COL28A1: variants seen among roughly 807,000 people sequenced by gnomAD.
The protein encoded by COL28A1 is collagen type XXVIII alpha 1 chain, also known as collagen alpha-1(XXVIII) chain.
A neutral mutation model predicts 150.2 loss-of-function variants in COL28A1; 161 were observed. The observed-to-expected ratio is 1.07, with a 90% CI of 0.94 to 1.22. The LOEUF (loss-of-function observed/expected upper bound fraction) is 1.22. COL28A1 is among the 50% of genes most tolerant of loss of function. COL28A1 has a pLI of 0.00. For missense variants in COL28A1, 1,617 were observed against 1,388.3 expected (o/e 1.16, Z -2.62); for synonymous variants, 552 against 469.7 (o/e 1.18, Z -2.26).
intron 5 of COL28A1, 131 bp from the exon 6 acceptor site, chr7:7,520,246 A>T (rs974390843): frequency 1.9e-6 from 1 of 529,290 alleles, no homozygotes; most frequent in African/African-American, 1.9e-5. Context: ...CCAAGCAGAA[A>T]TTCAATTCTC....
At chr7:7,393,843 A>G (rs547855267) in intron 27 of COL28A1, among the ~76,000 whole-genome samples, 6 of 152,240 alleles carry the variant, frequency 3.9e-5, no homozygotes, top group African/African-American at 1.2e-4. Flanking sequence ...ATTTCAAGCC[A>G]TTGGATCTTA....
chr7:7,443,228 A>G (rs369024270), intron 20 of COL28A1, among the ~76,000 whole-genome samples: 1 of 152,138 alleles, frequency 6.6e-6, no homozygotes, highest in African/African-American at 2.4e-5. Context: ...CAATAAAGTG[A>G]TATTTCTTAT....
chr7:7,515,722 A>T, intron 8 of COL28A1, 92 bp downstream of exon 8: 1 of 762,098 alleles, frequency 1.3e-6, no homozygotes, highest in Non-Finnish European at 2.3e-6. Flanking sequence ...ACAAAAATAA[A>T]GAAAATAACT....
intron 33 of COL28A1, among the ~76,000 whole-genome samples, chr7:7,369,242 C>T (rs1459813581): frequency 6.6e-6 from 1 of 152,160 alleles, no homozygotes; most frequent in African/African-American, 2.4e-5. Flanking sequence ...AGGAGATAGA[C>T]TGTGTCCATT....
chr7:7,398,989 C>A (rs1783008662), intron 27 of COL28A1, among the ~76,000 whole-genome samples: 1 of 152,162 alleles, frequency 6.6e-6, no homozygotes, highest in Admixed American at 6.5e-5. Context: ...GCAATCTTGT[C>A]CACTTCTAAG....
At chr7:7,527,209 A>G (rs1237281662) in intron 3 of COL28A1, among the ~76,000 whole-genome samples, 1 of 152,246 alleles carries the variant, frequency 6.6e-6, no homozygotes, top group Non-Finnish European at 1.5e-5. Flanking sequence ...TGTTTCAAAC[A>G]AAGAACAAAG....
At chr7:7,438,215 G>A (rs988272305) in intron 21 of COL28A1, among the ~76,000 whole-genome samples, 3 of 152,112 alleles carry the variant, frequency 2.0e-5, no homozygotes, top group Admixed American at 2.0e-4. Context: ...TCGCATCACT[G>A]CACTCCAGCC....
chr7:7,486,003 G>C (rs1779606200), intron 13 of COL28A1, among the ~76,000 whole-genome samples: 1 of 151,866 alleles, frequency 6.6e-6, no homozygotes, highest in African/African-American at 2.4e-5. Context: ...ATCTTGCTGG[G>C]GTATCAAAAA....
At chr7:7,464,229 G>T (rs541829275) in intron 15 of COL28A1, among the ~76,000 whole-genome samples, 1 of 152,194 alleles carries the variant, frequency 6.6e-6, no homozygotes, top group East Asian at 1.9e-4. Context: ...CTTCAATACT[G>T]CACTGACAGC....
intron 16 of COL28A1, among the ~76,000 whole-genome samples, chr7:7,455,507 T>G (rs1261721028): frequency 6.6e-6 from 1 of 152,172 alleles, no homozygotes; most frequent in Non-Finnish European, 1.5e-5. Context: ...CAGGTGTCAT[T>G]TATAAATTAT....
At chr7:7,493,237 A>G (rs78023299) in intron 11 of COL28A1, among the ~76,000 whole-genome samples, 117 of 152,064 alleles carry the variant, frequency 7.7e-4, no homozygotes, top group African/African-American at 2.8e-3. Flanking sequence ...TCTAAATTAT[A>G]TATTTGGTAG....
intron 8 of COL28A1, among the ~76,000 whole-genome samples, chr7:7,513,168 T>C (rs1045385691): frequency 6.6e-6 from 1 of 152,194 alleles, no homozygotes; most frequent in African/African-American, 2.4e-5. Context: ...CAATTATGGA[T>C]GCAAAGTGTG....
chr7:7,369,546 G>A (rs1281957520), intron 33 of COL28A1, among the ~76,000 whole-genome samples: 1 of 152,176 alleles, frequency 6.6e-6, no homozygotes, highest in Non-Finnish European at 1.5e-5. Flanking sequence ...ATTTCAATCT[G>A]CAATTTAGTA....
rs780626624 is a variant in COL28A1, at chr7:7,436,402, C to T, written c.1853G>A (p.Gly618Glu). Residue 618 changes from glycine to glutamate, a missense_variant, in exon 23 of 35, where the codon GGA becomes GAA. Physicochemically the swap from Gly to Glu is moderately conservative, Grantham distance 98. Transcript: ENST00000399429. Reference protein sequence around the residue: ...FKGEPGLSIRGPKGVQGPRGP... With the variant: ...FKGEPGLSIREPKGVQGPRGP... The stretch of plus-strand genomic sequence containing the variant: ...AACATGAATAAAGCATACCTTTGGT[C>T]CTCGAATAGAAAGTCCAGGTTCTCC... 7.4e-7 allele frequency: 1 copy of T among 1,349,336 alleles called. No homozygotes were observed. Among genetic ancestry groups the T allele is most frequent in the Admixed American group, 1.7e-5 (1 of 59,736 alleles). The allele number at this position is 1,349,336 out of a possible 1,614,324, so 83.6% of individuals were successfully genotyped here.
chr7:7,344,258 C>CTTACAATT, the COL28A1 span, among the ~76,000 whole-genome samples: 1 of 152,078 alleles, frequency 6.6e-6, no homozygotes, highest in African/African-American at 2.4e-5. Flanking sequence ...GTGGGAGCCA[C>CTTACAATT]TGCACCTGGC....
intron 20 of COL28A1, among the ~76,000 whole-genome samples, chr7:7,442,649 G>A (rs1199979367): frequency 6.6e-6 from 1 of 152,128 alleles, no homozygotes; most frequent in Non-Finnish European, 1.5e-5. Flanking sequence ...GTAGAATTAT[G>A]AACAGAACAC....
At chr7:7,364,302 A>C (rs749110941) in intron 33 of COL28A1, among the ~76,000 whole-genome samples, 6 of 152,198 alleles carry the variant, frequency 3.9e-5, no homozygotes, top group Admixed American at 3.9e-4. Flanking sequence ...ATATAAGCTC[A>C]TTTGTCTAAA....
intron 11 of COL28A1, among the ~76,000 whole-genome samples, chr7:7,499,493 G>A (rs895740776): frequency 6.6e-6 from 1 of 152,076 alleles, no homozygotes; most frequent in African/African-American, 2.4e-5. Context: ...ACAGTTTTTT[G>A]TTTGATTAAT....
At chr7:7,475,477 C>T (rs957603373) in intron 14 of COL28A1, among the ~76,000 whole-genome samples, 2 of 152,110 alleles carry the variant, frequency 1.3e-5, no homozygotes, top group Non-Finnish European at 2.9e-5. Context: ...TAAAGCAGCA[C>T]GGAACACGAT....
Sources: gnomAD v4.1 joint callset for allele counts (sites outside exome capture counted in the v4.1 genomes callset) on GRCh38, gnomAD v4.1.1 for gene constraint, MANE v1.5 for transcripts, NCBI Gene and HGNC (gene_info 2026-07-23, HGNC 2026-07-21) for gene names.